Variants in B3GALT1 observed in about 807,000 individuals in gnomAD.
B3GALT1 encodes UDP-Gal:betaGlcNAc beta 1,3-galactosyltransferase, polypeptide 1.
B3GALT1 carries 10 observed loss-of-function variants against 23.2 expected under a neutral mutation model. That is an observed-to-expected ratio of 0.43 (90% CI 0.27 to 0.73). The LOEUF (loss-of-function observed/expected upper bound fraction) is 0.73. Among genes scored for constraint, B3GALT1 ranks in the 30% least tolerant of loss-of-function variants. B3GALT1 has a pLI of 0.21. For missense variants in B3GALT1, 299 were observed against 405.4 expected (o/e 0.74, Z 2.25); for synonymous variants, 156 against 141.5 (o/e 1.10, Z -0.73).
At position 167,744,411 on chromosome 2, in the gene B3GALT1, A is replaced by G. The variant is rs143958297; in HGVS notation, c.-351-74261A>G. Among the ~76,000 whole-genome samples the G allele has an allele frequency of 8.9e-3, 1,362 of 152,274 alleles. 11 individuals carry two copies. Among genetic ancestry groups the G allele is most frequent in the Non-Finnish European group, 0.013 (856 of 68,020 alleles). ...AGATTAATGTAAGTTTGCAACTATT[A>G]TTATAGATCTCTCATGAATTAAACC... On this transcript the variant is annotated intron_variant, in intron 3 of 4. Coordinates refer to ENST00000392690, the MANE Select transcript of B3GALT1 (RefSeq NM_020981.4).
intron 2 of B3GALT1, among the ~76,000 whole-genome samples, chr2:167,615,664 A>AT (rs1685149746): frequency 6.6e-6 from 1 of 152,034 alleles, no homozygotes; most frequent in Admixed American, 6.6e-5. Context: ...ATAAAAAAAA[A>AT]TTGAAAAGCA....
intron 3 of B3GALT1, among the ~76,000 whole-genome samples, chr2:167,740,413 A>C (rs141676560): frequency 6.6e-5 from 10 of 152,154 alleles, no homozygotes; most frequent in Non-Finnish European, 1.0e-4. Flanking sequence ...CTTTAATGAG[A>C]TGTCTTTGGC....
intron 4 of B3GALT1, among the ~76,000 whole-genome samples, chr2:167,836,050 A>G (rs1307613935): frequency 6.6e-6 from 1 of 152,174 alleles, no homozygotes; most frequent in Non-Finnish European, 1.5e-5. Context: ...ATCATCAAAG[A>G]CCAAAAGTAG....
intron 1 of B3GALT1, among the ~76,000 whole-genome samples, chr2:167,413,206 G>GA (rs1309715653): frequency 6.6e-6 from 1 of 151,820 alleles, no homozygotes; most frequent in Non-Finnish European, 1.5e-5. Flanking sequence ...TGGGGGGATA[G>GA]AAAAAAATGG....
At chr2:167,357,100 C>T (rs1369428163) in intron 1 of B3GALT1, among the ~76,000 whole-genome samples, 1 of 151,784 alleles carries the variant, frequency 6.6e-6, no homozygotes, top group African/African-American at 2.4e-5. Flanking sequence ...TTTTCTAGTG[C>T]TTTCTAGAAC....
rs191616683 is a variant in B3GALT1, at chr2:167,637,398, A to T, written c.-409-9511A>T. On this transcript the variant is annotated intron_variant, in intron 2 of 4. Coordinates refer to ENST00000392690, the MANE Select transcript of B3GALT1 (RefSeq NM_020981.4). ...TGATACATAATATTTTTACGTATTT[A>T]TGGGGCACATATGATATTTTGTTAC... Among the ~76,000 whole-genome samples, 11 of 152,092 alleles carry T rather than the reference A, an allele frequency of 7.2e-5. No individual in the cohort carries two copies. The East Asian group carries it at 1.9e-3, about 27-fold the overall frequency.
intron 1 of B3GALT1, among the ~76,000 whole-genome samples, chr2:167,454,932 A>T (rs1216600810): frequency 6.6e-6 from 1 of 152,194 alleles, no homozygotes; most frequent in African/African-American, 2.4e-5. Context: ...ATATACAGGG[A>T]CCTGCTGGTT....
intron 1 of B3GALT1, among the ~76,000 whole-genome samples, chr2:167,332,229 T>C (rs2105240794): frequency 6.6e-6 from 1 of 152,270 alleles, no homozygotes; most frequent in South Asian, 2.1e-4. Context: ...TCACTTCCCC[T>C]TTTCCTGCAA....
At chr2:167,663,203 T>C (rs1686102316) in intron 3 of B3GALT1, among the ~76,000 whole-genome samples, 1 of 149,358 alleles carries the variant, frequency 6.7e-6, no homozygotes, top group African/African-American at 2.5e-5. Flanking sequence ...AGTGAGAATA[T>C]GCGGTGTTTG....
At chr2:167,457,965 TATAAC>T (rs1323239771) in intron 1 of B3GALT1, among the ~76,000 whole-genome samples, 2 of 152,218 alleles carry the variant, frequency 1.3e-5, no homozygotes, top group South Asian at 2.1e-4. Flanking sequence ...GTAAAATACA[TATAAC>T]ATAAAATTTG....
intron 2 of B3GALT1, among the ~76,000 whole-genome samples, chr2:167,540,796 C>G (rs1683522101): frequency 6.6e-6 from 1 of 152,068 alleles, no homozygotes. Flanking sequence ...TTAATTTCAC[C>G]ATCAAATCTT....
At chr2:167,525,511 A>G (rs1052492667) in intron 2 of B3GALT1, among the ~76,000 whole-genome samples, 3 of 152,038 alleles carry the variant, frequency 2.0e-5, no homozygotes, top group Admixed American at 1.3e-4. Context: ...TCATTTATTT[A>G]TATTGCTATG....
At chr2:167,865,099 GA>G (rs1690185528) in intron 4 of B3GALT1, among the ~76,000 whole-genome samples, 1 of 152,004 alleles carries the variant, frequency 6.6e-6, no homozygotes, top group Non-Finnish European at 1.5e-5. Flanking sequence ...AAATCACGCG[GA>G]AAAGTATCAG....
At chr2:167,563,042 T>A (rs1684043396) in intron 2 of B3GALT1, among the ~76,000 whole-genome samples, 2 of 152,072 alleles carry the variant, frequency 1.3e-5, no homozygotes, top group Non-Finnish European at 2.9e-5. Flanking sequence ...GTCTCCCATG[T>A]CCACCCCTTT....
intron 1 of B3GALT1, among the ~76,000 whole-genome samples, chr2:167,334,071 C>CTATAT (rs138930993): frequency 0.016 from 2,505 of 152,116 alleles, 57 homozygotes; most frequent in East Asian, 0.083. Flanking sequence ...ATGTCAGTTA[C>CTATAT]TATAATTGAA....
At chr2:167,691,525 ATG>A (rs1488030531) in intron 3 of B3GALT1, among the ~76,000 whole-genome samples, 4 of 152,140 alleles carry the variant, frequency 2.6e-5, no homozygotes, top group African/African-American at 9.7e-5. Context: ...ACTTATACAA[ATG>A]GTATTGTGTC....
chr2:167,335,360 CCTT>C, intron 1 of B3GALT1, among the ~76,000 whole-genome samples: 1 of 152,206 alleles, frequency 6.6e-6, no homozygotes, highest in Middle Eastern at 3.4e-3. Flanking sequence ...AGTACGGAGT[CCTT>C]CTTAGGCCAT....
In B3GALT1 at chr2:167,625,942, C is replaced by CATATAT. The variant is rs10522850; in HGVS notation, c.-409-20928_-409-20923dup. Among the ~76,000 whole-genome samples the CATATAT allele has an allele frequency of 3.4e-3, 398 of 118,150 alleles. 5 individuals carry two copies. The highest frequency in any genetic ancestry group is 5.4e-3 in the African/African-American group (149 of 27,566). 77.5% of individuals were successfully genotyped at this position (118,150 alleles called of 152,430 possible). A position where few individuals can be genotyped will look rare whatever the true frequency, so the allele number is the denominator to read the frequency against. On this transcript the variant is annotated intron_variant, in intron 2 of 4. Transcript: ENST00000392690. Reference sequence around the variant, plus strand: ...ATGACAGAAAAATCAATGACTAGGCCATATATATATATATATATATATATA... The same window carrying CATATAT: ...ATGACAGAAAAATCAATGACTAGGCCATATATATATATATATATATATATATATATA...
chr2:167,789,123 A>G (rs1294922557), intron 3 of B3GALT1, among the ~76,000 whole-genome samples: 4 of 152,222 alleles, frequency 2.6e-5, no homozygotes, highest in African/African-American at 7.2e-5. Context: ...CGCATGTCAC[A>G]TAACTTATTT....
Sources: gnomAD v4.1 joint callset for allele counts (sites outside exome capture counted in the v4.1 genomes callset) on GRCh38, gnomAD v4.1.1 for gene constraint, MANE v1.5 for transcripts, NCBI Gene and HGNC (gene_info 2026-07-23, HGNC 2026-07-21) for gene names.